TMEM242: variants seen among roughly 807,000 people sequenced by gnomAD.
TMEM242 encodes the protein UPF0463 transmembrane protein C6orf35.
A neutral mutation model predicts 18.2 loss-of-function variants in TMEM242; 10 were observed. That is an observed-to-expected ratio of 0.55 (90% CI 0.34 to 0.93). The LOEUF (loss-of-function observed/expected upper bound fraction) is 0.93, where lower values mean the gene tolerates loss of function less well. Ranked by LOEUF, TMEM242 falls within the 40% of genes least tolerant of loss-of-function variation. The pLI is 0.02. For missense variants in TMEM242, 186 were observed against 175.5 expected, an observed-to-expected ratio of 1.06 and a Z score of -0.34; for synonymous variants, 57 against 69.9, an observed-to-expected ratio of 0.81 and a Z score of 0.92.
rs372494807 is a variant in TMEM242, at chr6:157,318,815, G to T, written c.294C>A (p.Ser98Arg). Residue 98 changes from serine to arginine, a missense_variant, in exon 3 of 4, where the codon AGC becomes AGA. Transcript: ENST00000400788. ...CTCCTAAAGCTTTCCAGACTGCGAAGCTAATCACACCAACCCCACACCATG... is the reference window on the plus strand; with the variant it reads ...CTCCTAAAGCTTTCCAGACTGCGAATCTAATCACACCAACCCCACACCATG... ...LYAWCGVGVISFAVWKALGVH... is the reference protein window; with the variant it reads ...LYAWCGVGVIRFAVWKALGVH... 5.0e-6 allele frequency: 8 copies of T among 1,613,980 alleles called. No individual in the cohort carries two copies. Among genetic ancestry groups the T allele is most frequent in the Non-Finnish European group, 6.8e-6 (8 of 1,180,032 alleles).
chr6:157,323,458 C>T lies in TMEM242; in HGVS notation c.42G>A (p.Gly14=). ...AGAATGQPAS[G]LEAPGSTNDR... is the part of the protein sequence containing the mutation. Reference sequence around the variant, plus strand: ...CATTCGTGGACCCCGGAGCCTCCAGCCCAGAGGCCGGCTGCCCAGTTGCAG... The same window carrying T: ...CATTCGTGGACCCCGGAGCCTCCAGTCCAGAGGCCGGCTGCCCAGTTGCAG... The change falls in exon 1 of 4, where the codon GGG becomes GGA. Residue 14 remains glycine, a synonymous_variant. Coordinates refer to ENST00000400788, the MANE Select transcript of TMEM242 (RefSeq NM_018452.6). 1.9e-6 allele frequency: 3 copies of T among 1,614,082 alleles called. No individual in the cohort carries two copies. The highest frequency in any genetic ancestry group is 1.7e-6 in the Non-Finnish European group (2 of 1,179,966).
intron 1 of TMEM242, 47 bp downstream of exon 1, chr6:157,323,365 G>A (rs587600195): frequency 1.1e-5 from 18 of 1,593,358 alleles, no homozygotes; most frequent in Middle Eastern, 3.3e-4. Flanking sequence ...GCCAGGGTCC[G>A]GGGTTAACTC....
intron 3 of TMEM242, among the ~76,000 whole-genome samples, chr6:157,311,963 CAATCACCT>C (rs1778140522): frequency 2.1e-5 from 1 of 48,760 alleles, no homozygotes; most frequent in Admixed American, 2.6e-4. Context: ...TCCCAGTGTG[CAATCACCT>C]GGCCTCATCA....
At chr6:157,310,190 T>C (rs1428368190) in intron 3 of TMEM242, among the ~76,000 whole-genome samples, 2 of 152,216 alleles carry the variant, frequency 1.3e-5, no homozygotes, top group African/African-American at 2.4e-5. Flanking sequence ...GGTAAACAAG[T>C]GTAAAAGTCA....
chr6:157,299,729 A>G lies in TMEM242; in HGVS notation c.328-6730T>C, dbSNP rs1777801428. 3.1e-6 allele frequency: 5 copies of G among 1,604,934 alleles called. No homozygotes were observed. The South Asian group carries it at 3.3e-5, about 11-fold the overall frequency. On this transcript the variant is annotated intron_variant, in intron 3 of 3. Coordinates refer to ENST00000400788, the MANE Select transcript of TMEM242 (RefSeq NM_018452.6). ...CTTTTCTTGACGTGCACCTTCTGTG[A>G]TAATCACTAGGCTGGAGTTTGCTGT...
intron 2 of TMEM242, 75 bp from the exon 3 acceptor site, chr6:157,318,994 T>G: frequency 3.5e-6 from 5 of 1,412,362 alleles, no homozygotes; most frequent in Non-Finnish European, 4.7e-6. Context: ...TGTTTGCAAA[T>G]TCCTCTCTGT....
intron 3 of TMEM242, chr6:157,299,278 C>A: frequency 1.3e-6 from 1 of 770,882 alleles, no homozygotes. Context: ...GAAGTATAAC[C>A]TTTCATTTTA....
intron 3 of TMEM242, among the ~76,000 whole-genome samples, chr6:157,314,241 G>A (rs1778334784): frequency 1.3e-5 from 2 of 150,520 alleles, no homozygotes; most frequent in African/African-American, 4.9e-5. Context: ...CACTCACCTG[G>A]CCTCATCATA....
At chr6:157,316,416 T>C (rs587640547) in intron 3 of TMEM242, among the ~76,000 whole-genome samples, 2 of 152,306 alleles carry the variant, frequency 1.3e-5, no homozygotes, top group Non-Finnish European at 2.9e-5. Flanking sequence ...GTCTAAAATG[T>C]CTGTAGAATG....
intron 3 of TMEM242, among the ~76,000 whole-genome samples, chr6:157,312,831 CCA>C (rs1778221350): frequency 6.2e-4 from 1 of 1,622 alleles, no homozygotes; most frequent in Non-Finnish European, 1.4e-3. Context: ...CATCATAGTG[CCA>C]CAGTGTGCAC....
intron 3 of TMEM242, among the ~76,000 whole-genome samples, chr6:157,297,910 GACAA>G (rs1777772315): frequency 6.6e-6 from 1 of 152,148 alleles, no homozygotes; most frequent in Admixed American, 6.5e-5. Context: ...ATAAATGTCA[GACAA>G]ACATTTTTAC....
intron 3 of TMEM242, chr6:157,318,555 A>G: frequency 1.9e-6 from 1 of 531,702 alleles, no homozygotes; most frequent in Non-Finnish European, 3.3e-6. Flanking sequence ...TTAGCTATAA[A>G]TTAGTCATTA....
chr6:157,293,242 C>A (rs1310749872), intron 3 of TMEM242, among the ~76,000 whole-genome samples: 1 of 152,244 alleles, frequency 6.6e-6, no homozygotes, highest in East Asian at 1.9e-4. Context: ...CTTAGCTGGA[C>A]ATGGTGGCTC....
rs1480494242 is a variant in TMEM242 at position 157,315,445 on chromosome 6, C to T, written c.327+3337G>A. Among the ~76,000 whole-genome samples the T allele has an allele frequency of 2.0e-5, 3 of 152,194 alleles. 1 individual carries two copies. Among genetic ancestry groups the T allele is most frequent in the Admixed American group, 1.3e-4 (2 of 15,282 alleles). ...GTGAGTTCATTTTTCTGTGGGCCTT[C>T]TCAAACATGGAGATCAAACTGATAT... is the stretch of plus-strand genomic sequence containing the variant. On this transcript the variant is annotated intron_variant, in intron 3 of 3. Coordinates refer to ENST00000400788, the MANE Select transcript of TMEM242 (RefSeq NM_018452.6).
At chr6:157,313,078 G>A (rs1296869484) in intron 3 of TMEM242, among the ~76,000 whole-genome samples, 3 of 69,496 alleles carry the variant, frequency 4.3e-5, no homozygotes, top group African/African-American at 1.2e-4. Context: ...GTCCCAGTAT[G>A]CACTCACCTG....
intron 3 of TMEM242, among the ~76,000 whole-genome samples, chr6:157,312,801 A>G (rs587681313): frequency 1.8e-4 from 27 of 147,402 alleles, no homozygotes. Context: ...ATAATGCCCC[A>G]GTGTGAACTC....
At chr6:157,316,970 A>G (rs1205838302) in intron 3 of TMEM242, among the ~76,000 whole-genome samples, 1 of 152,214 alleles carries the variant, frequency 6.6e-6, no homozygotes, top group East Asian at 1.9e-4. Flanking sequence ...AAAGCACAGT[A>G]ATGTTTATGT....
At chr6:157,293,510 T>G (rs1554246976) in intron 3 of TMEM242, among the ~76,000 whole-genome samples, 1 of 152,218 alleles carries the variant, frequency 6.6e-6, no homozygotes, top group African/African-American at 2.4e-5. Context: ...GGATGGGATT[T>G]CTTTCTGAAT....
At chr6:157,297,715 CCTGG>C (rs1451071104) in intron 3 of TMEM242, among the ~76,000 whole-genome samples, 2 of 152,140 alleles carry the variant, frequency 1.3e-5, no homozygotes, top group Non-Finnish European at 2.9e-5. Context: ...GCAGGACTGG[CCTGG>C]TTTAGAGGGC....
Sources: allele counts gnomAD v4.1 joint callset (sites outside exome capture counted in the v4.1 genomes callset), GRCh38; gene constraint gnomAD v4.1.1; transcripts MANE v1.5; gene names NCBI Gene and HGNC (gene_info 2026-07-23, HGNC 2026-07-21).